SLIT2: variants seen among roughly 807,000 people sequenced by gnomAD.
The protein encoded by SLIT2 is slit homolog 2 protein.
A neutral mutation model predicts 185.7 loss-of-function variants in SLIT2; 41 were observed. The observed-to-expected ratio is 0.22, with a 90% CI of 0.17 to 0.29. The LOEUF (loss-of-function observed/expected upper bound fraction) is 0.29. Ranked by LOEUF, SLIT2 falls within the 10% of genes least tolerant of loss-of-function variation. The pLI is 1.00. For synonymous variants in SLIT2, 693 were observed against 680.2 expected (o/e 1.02, Z -0.29); for missense variants, 1,571 against 1,909.0 (o/e 0.82, Z 3.30).
At chr4:20,411,958 G>A (rs1020226100) in intron 4 of SLIT2, among the ~76,000 whole-genome samples, 1 of 152,174 alleles carries the variant, frequency 6.6e-6, no homozygotes, top group African/African-American at 2.4e-5. Flanking sequence ...CAAATGGAGA[G>A]TTGTGAGGAA....
intron 4 of SLIT2, among the ~76,000 whole-genome samples, chr4:20,433,444 G>A (rs1337033387): frequency 2.6e-5 from 4 of 152,182 alleles, no homozygotes; most frequent in Non-Finnish European, 1.5e-5. Context: ...CCGGAGTGTG[G>A]TGTGTTTATA....
At chr4:20,299,895 A>T (rs1456808846) in intron 4 of SLIT2, among the ~76,000 whole-genome samples, 1 of 152,114 alleles carries the variant, frequency 6.6e-6, no homozygotes, top group African/African-American at 2.4e-5. Flanking sequence ...AGTCATTAAT[A>T]TTGAAATTAT....
intron 29 of SLIT2, among the ~76,000 whole-genome samples, chr4:20,575,348 AT>A (rs1725997593): frequency 6.6e-6 from 1 of 152,088 alleles, no homozygotes; most frequent in Non-Finnish European, 1.5e-5. Context: ...TAGAATTTCC[AT>A]TTTTTTCTAG....
At chr4:20,420,933 C>T (rs551615052) in intron 4 of SLIT2, among the ~76,000 whole-genome samples, 7 of 152,176 alleles carry the variant, frequency 4.6e-5, no homozygotes, top group African/African-American at 1.7e-4. Flanking sequence ...ATGCTGGCAC[C>T]CTAATCTTGG....
chr4:20,528,375 G>A lies in SLIT2; in HGVS notation c.1463-574G>A, dbSNP rs765475120. 9.4e-6 allele frequency: 5 copies of A among 533,594 alleles called. No individual in the cohort carries two copies. Among genetic ancestry groups the A allele is most frequent in the African/African-American group, 5.8e-5 (3 of 51,888 alleles). 33.1% of individuals were successfully genotyped at this position (533,594 alleles called of 1,614,324 possible). On this transcript the variant is annotated intron_variant, in intron 15 of 36. Coordinates refer to ENST00000504154, the MANE Select transcript of SLIT2 (RefSeq NM_004787.4). This position sits in a 1 kb window ranked among gnomAD's most constrained non-coding sequence, Gnocchi z 4.2. ...GTCAAGCACCATGGAACGTCACGCA[G>A]CTTTCTACAGCATGACAAGCTGCTG...
At chr4:20,263,401 A>G (rs1408675884) in intron 3 of SLIT2, among the ~76,000 whole-genome samples, 1 of 151,834 alleles carries the variant, frequency 6.6e-6, no homozygotes, top group Admixed American at 6.6e-5. Flanking sequence ...CTCTGAATAC[A>G]GATGGACAGT....
At chr4:20,343,516 T>C (rs946157444) in intron 4 of SLIT2, among the ~76,000 whole-genome samples, 10 of 152,158 alleles carry the variant, frequency 6.6e-5, no homozygotes, top group African/African-American at 2.2e-4. Context: ...CTTTTTTTTT[T>C]CTTGAGATTA....
At chr4:20,479,640 A>G (rs1046063256) in intron 5 of SLIT2, among the ~76,000 whole-genome samples, 3 of 151,984 alleles carry the variant, frequency 2.0e-5, no homozygotes, top group Non-Finnish European at 4.4e-5. Flanking sequence ...AAAAAAAAAA[A>G]GAGTGTGGTA....
intron 5 of SLIT2, among the ~76,000 whole-genome samples, chr4:20,473,744 T>C (rs779496908): frequency 6.6e-6 from 1 of 151,996 alleles, no homozygotes; most frequent in African/African-American, 2.4e-5. Context: ...GTTTTCACTG[T>C]CATCTACATA....
At chr4:20,523,718 T>C (rs1312981942) in intron 12 of SLIT2, 42 bp from the exon 13 acceptor site, 1 of 1,583,214 alleles carries the variant, frequency 6.3e-7, no homozygotes, top group South Asian at 1.1e-5. Flanking sequence ...GGTGAGTTAA[T>C]AAGATGCTAC....
Position 20,531,976 on chromosome 4 carries a change from T to A in SLIT2, c.1614-8T>A. On this transcript the variant is annotated splice_polypyrimidine_tract_variant and splice_region_variant and intron_variant, in intron 16 of 36. Coordinates refer to ENST00000504154, the MANE Select transcript of SLIT2 (RefSeq NM_004787.4). Reference sequence around the variant, plus strand: ...ATAAAACTTCTCTATTCCTTCTTTTTTCTTCAGGCGTCTCAATAATAATGA... The same window carrying A: ...ATAAAACTTCTCTATTCCTTCTTTTATCTTCAGGCGTCTCAATAATAATGA... The A allele has an allele frequency of 5.2e-6, 8 of 1,545,006 alleles. No homozygotes were observed. Among genetic ancestry groups the A allele is most frequent in the Non-Finnish European group, 7.0e-6 (8 of 1,144,572 alleles).
chr4:20,432,922 T>C (rs1194384118), intron 4 of SLIT2, among the ~76,000 whole-genome samples: 2 of 152,228 alleles, frequency 1.3e-5, no homozygotes, highest in Non-Finnish European at 2.9e-5. Flanking sequence ...AGAAGAATCA[T>C]TTGAATTTTA....
At chr4:20,270,062 A>G (rs907016965) in intron 4 of SLIT2, among the ~76,000 whole-genome samples, 3 of 151,988 alleles carry the variant, frequency 2.0e-5, no homozygotes, top group African/African-American at 7.2e-5. Flanking sequence ...CAATTTAAGT[A>G]AATTTTAAAA....
At chr4:20,304,238 T>TA (rs1717324468) in intron 4 of SLIT2, among the ~76,000 whole-genome samples, 1 of 152,056 alleles carries the variant, frequency 6.6e-6, no homozygotes, top group Non-Finnish European at 1.5e-5. Flanking sequence ...CCCCTACTCT[T>TA]AATTAAAAGC....
intron 4 of SLIT2, among the ~76,000 whole-genome samples, chr4:20,445,078 A>G (rs1229468914): frequency 6.6e-6 from 1 of 152,160 alleles, no homozygotes; most frequent in Non-Finnish European, 1.5e-5. Context: ...TGCACTGATC[A>G]GTCCTGTCCT....
chr4:20,487,408 C>T (rs1420429888), intron 7 of SLIT2, among the ~76,000 whole-genome samples: 2 of 152,064 alleles, frequency 1.3e-5, no homozygotes, highest in Admixed American at 1.3e-4. Flanking sequence ...TCAATCTTTG[C>T]AAAAACAAAG....
intron 34 of SLIT2, chr4:20,615,422 C>A (rs542216369): frequency 1.3e-5 from 2 of 152,324 alleles, no homozygotes; most frequent in South Asian, 4.1e-4. Context: ...CTGCACCTCT[C>A]CTGTTCCTAC....
At chr4:20,272,022 T>C (rs1465959894) in intron 4 of SLIT2, among the ~76,000 whole-genome samples, 1 of 152,046 alleles carries the variant, frequency 6.6e-6, no homozygotes, top group Non-Finnish European at 1.5e-5. Context: ...TTTGGACGGG[T>C]TGAGAGAGCA....
At chr4:20,293,838 C>A (rs1266395340) in intron 4 of SLIT2, among the ~76,000 whole-genome samples, 6 of 152,116 alleles carry the variant, frequency 3.9e-5, no homozygotes, top group Non-Finnish European at 8.8e-5. Flanking sequence ...TTCACTGTGG[C>A]TCAGGGATGT....
Sources: gnomAD v4.1 joint callset for allele counts (sites outside exome capture counted in the v4.1 genomes callset) on GRCh38, gnomAD v4.1.1 for gene constraint, Gnocchi (gnomAD v3.1) non-coding constraint, MANE v1.5 for transcripts, NCBI Gene and HGNC (gene_info 2026-07-23, HGNC 2026-07-21) for gene names.